Variants in DNMBP observed in about 807,000 individuals in gnomAD.
DNMBP encodes the protein dynamin-binding protein.
Under a neutral mutation model 150.0 loss-of-function variants are expected in DNMBP, and 87 were observed. The observed-to-expected ratio is 0.58, with a 90% CI of 0.49 to 0.69. The LOEUF (loss-of-function observed/expected upper bound fraction) is 0.69, where lower values mean the gene tolerates loss of function less well. DNMBP is among the 30% of genes least tolerant of loss of function. The probability of loss-of-function intolerance (pLI) is 0.00; values close to 1 mark genes in which losing one functional copy is unlikely to be tolerated. For synonymous variants in DNMBP, 711 were observed against 750.4 expected (o/e 0.95, Z 0.86); for missense variants, 1,774 against 1,949.0 (o/e 0.91, Z 1.69).
chr10:99,897,236 T>C (rs1037745828), intron 9 of DNMBP, among the ~76,000 whole-genome samples: 8 of 151,920 alleles, frequency 5.3e-5, no homozygotes, highest in Non-Finnish European at 1.0e-4. Context: ...ACCTGATGAG[T>C]GCATTCAGTG....
chr10:99,882,220 G>A (rs981331750), intron 15 of DNMBP, among the ~76,000 whole-genome samples: 13 of 152,180 alleles, frequency 8.5e-5, no homozygotes, highest in Admixed American at 6.5e-4. Context: ...TGGGGGTGGT[G>A]GAAGGGGAGG....
At chr10:100,006,956 A>C (rs2133396599) in intron 1 of DNMBP, among the ~76,000 whole-genome samples, 1 of 152,228 alleles carries the variant, frequency 6.6e-6, no homozygotes, top group African/African-American at 2.4e-5. Flanking sequence ...TCTACTAAAA[A>C]TACAAACATT....
At position 99,877,192 on chromosome 10, in the gene DNMBP, A is replaced by G; in HGVS notation, c.4693T>C (p.Tyr1565His). 2 of 1,613,750 alleles carry G rather than the reference A, an allele frequency of 1.2e-6. No individual in the cohort carries two copies. Among genetic ancestry groups the G allele is most frequent in the Non-Finnish European group, 1.7e-6 (2 of 1,179,918 alleles). Residue 1565 changes from tyrosine to histidine, a missense_variant, in exon 17 of 17, where the codon TAC (tyrosine) becomes CAC (histidine). By Grantham distance (83) the Tyr-to-His change is moderately conservative. Coordinates refer to ENST00000324109, the MANE Select transcript of DNMBP (RefSeq NM_015221.4). ...WLAEVNGKKG[Y>H]VPSNYIRKTE... The stretch of plus-strand genomic sequence containing the variant: ...TTGCGGATATAATTGGAGGGAACGT[A>G]GCCCTTCTTCCCGTTAACCTCAGCT...
chr10:99,968,292 C>T (rs2040640396), intron 3 of DNMBP, among the ~76,000 whole-genome samples: 1 of 152,134 alleles, frequency 6.6e-6, no homozygotes, highest in Non-Finnish European at 1.5e-5. Context: ...TACTATTATA[C>T]ATTAATAAAT....
chr10:99,929,937 G>A (rs1427800101), intron 4 of DNMBP: 3 of 702,834 alleles, frequency 4.3e-6, no homozygotes, highest in Middle Eastern at 2.3e-4. Context: ...AGATTTATAT[G>A]CACAGTTTGC....
rs1291910320 is a variant in DNMBP at position 99,996,624 on chromosome 10, T to C, written c.-11+13214A>G. On this transcript the variant is annotated intron_variant, in intron 1 of 16. Transcript: ENST00000324109. ...AAATAACCAGCTAGTAAAATAATAA[T>C]AAAAGTATTAAGTAGGGTTATAATA... 2.6e-5 allele frequency among the ~76,000 whole-genome samples: 4 copies of C among 152,344 alleles called. No individual in the cohort carries two copies. The South Asian group carries it at 6.2e-4, about 24-fold the overall frequency.
intron 3 of DNMBP, among the ~76,000 whole-genome samples, chr10:99,961,230 T>C (rs1243733695): frequency 1.3e-5 from 2 of 149,352 alleles, no homozygotes; most frequent in East Asian, 3.9e-4. Context: ...TCCTTTTTTC[T>C]TCTAATTCCT....
intron 1 of DNMBP, among the ~76,000 whole-genome samples, chr10:99,978,572 C>T (rs962594484): frequency 4.6e-5 from 7 of 152,018 alleles, no homozygotes; most frequent in African/African-American, 1.4e-4. Context: ...TATTTGTTTA[C>T]GGTTTTTGTT....
rs144048258 is a variant in DNMBP, at chr10:99,895,240, C to T, written c.3052-190G>A. Among the ~76,000 whole-genome samples, 13 of 151,546 alleles carry T rather than the reference C, an allele frequency of 8.6e-5. No homozygotes were observed. The East Asian group carries it at 2.3e-3, about 27-fold the overall frequency. ...CTCCTGGATTCAAGCAATTCTCCTG[C>T]GTCAGCCTCTCGCATAGCTGAGATT... On this transcript the variant is annotated intron_variant, in intron 10 of 16. Transcript: ENST00000324109.
chr10:100,003,826 AAAAT>A (rs1489251658), intron 1 of DNMBP, among the ~76,000 whole-genome samples: 1 of 152,044 alleles, frequency 6.6e-6, no homozygotes, highest in Non-Finnish European at 1.5e-5. Flanking sequence ...AGAAAAATAA[AAAAT>A]AAAAAAGCAA....
At chr10:99,890,049 TTGA>T (rs1205700687) in intron 11 of DNMBP, among the ~76,000 whole-genome samples, 24 of 152,212 alleles carry the variant, frequency 1.6e-4, no homozygotes, top group African/African-American at 5.8e-4. Flanking sequence ...ATACATTGGT[TTGA>T]TGCTTTATTT....
At chr10:99,933,896 C>T (rs576994109) in intron 4 of DNMBP, among the ~76,000 whole-genome samples, 1 of 152,166 alleles carries the variant, frequency 6.6e-6, no homozygotes, top group South Asian at 2.1e-4. Flanking sequence ...GCCACCATGC[C>T]CGGCTAAAGT....
chr10:99,943,408 GTTT>G (rs571326515), intron 4 of DNMBP, among the ~76,000 whole-genome samples: 4 of 132,510 alleles, frequency 3.0e-5, no homozygotes, highest in African/African-American at 8.9e-5. Flanking sequence ...TTGTTTGTTT[GTTT>G]TTTTGAGACA....
chr10:99,998,047 A>G (rs2040968547), intron 1 of DNMBP, among the ~76,000 whole-genome samples: 1 of 151,204 alleles, frequency 6.6e-6, no homozygotes, highest in African/African-American at 2.4e-5. Flanking sequence ...CATCCTGGCT[A>G]ACACAGTGAA....
rs7085488 is a variant in DNMBP, at chr10:99,996,507, G to A, written c.-11+13331C>T. ...TGCAATCCAGCCTGAGTGACAAAGCGAGACTCCAACTAAATTAAAAAAATA... is the reference window on the plus strand; with the variant it reads ...TGCAATCCAGCCTGAGTGACAAAGCAAGACTCCAACTAAATTAAAAAAATA... On this transcript the variant is annotated intron_variant, in intron 1 of 16. Coordinates refer to ENST00000324109, the MANE Select transcript of DNMBP (RefSeq NM_015221.4). Among the ~76,000 whole-genome samples, 459 of 152,252 alleles carry A rather than the reference G, an allele frequency of 3.0e-3. 2 individuals carry two copies. Among genetic ancestry groups the A allele is most frequent in the African/African-American group, 0.01 (424 of 41,544 alleles).
intron 4 of DNMBP, chr10:99,930,692 C>T (rs1416570648): frequency 1.4e-6 from 1 of 700,688 alleles, no homozygotes; most frequent in Non-Finnish European, 2.6e-6. Flanking sequence ...AGTCTTCATA[C>T]TCCCAGCTGG....
chr10:99,918,122 T>A (rs2039986834), intron 4 of DNMBP, among the ~76,000 whole-genome samples: 1 of 152,066 alleles, frequency 6.6e-6, no homozygotes, highest in South Asian at 2.1e-4. Context: ...TCTGTACACG[T>A]GCTCATCTTC....
intron 4 of DNMBP, among the ~76,000 whole-genome samples, chr10:99,917,345 C>T (rs950457184): frequency 1.3e-5 from 2 of 151,940 alleles, no homozygotes; most frequent in Admixed American, 6.6e-5. Context: ...TGACATCTAA[C>T]GTGAATTGCT....
At chr10:99,883,713 T>A (rs1345054196) in intron 15 of DNMBP, among the ~76,000 whole-genome samples, 3 of 144,572 alleles carry the variant, frequency 2.1e-5, no homozygotes, top group Non-Finnish European at 4.5e-5. Flanking sequence ...GGGAACAGGC[T>A]AAGAAGGAAC....
Sources: gnomAD v4.1 joint callset for allele counts (sites outside exome capture counted in the v4.1 genomes callset) on GRCh38, gnomAD v4.1.1 for gene constraint, MANE v1.5 for transcripts, NCBI Gene and HGNC (gene_info 2026-07-23, HGNC 2026-07-21) for gene names.